The following PPP1R13B variants were observed in gnomAD, a reference collection of about 807,000 sequenced individuals.
PPP1R13B encodes apoptosis-stimulating of p53 protein 1.
PPP1R13B carries 44 observed loss-of-function variants against 119.8 expected under a neutral mutation model. That is an observed-to-expected ratio of 0.37 (90% CI 0.29 to 0.47). The LOEUF (loss-of-function observed/expected upper bound fraction) is 0.47. PPP1R13B is among the 20% of genes least tolerant of loss of function. PPP1R13B has a pLI of 0.99. For synonymous variants in PPP1R13B, 542 were observed against 561.5 expected, an observed-to-expected ratio of 0.97 and a Z score of 0.49; for missense variants, 1,227 against 1,413.5, an observed-to-expected ratio of 0.87 and a Z score of 2.12.
intron 6 of PPP1R13B, among the ~76,000 whole-genome samples, chr14:103,753,773 G>A (rs532671963): frequency 1.3e-5 from 2 of 152,026 alleles, no homozygotes; most frequent in African/African-American, 4.8e-5. Flanking sequence ...TTTGAGACAG[G>A]GTCTCATTGT....
upstream of PPP1R13B, chr14:103,848,381 C>T (rs2087124425): frequency 2.0e-6 from 2 of 985,356 alleles, no homozygotes. Context: ...GGCGCCGCCC[C>T]CTCGGGCCTG....
intron 1 of PPP1R13B, among the ~76,000 whole-genome samples, chr14:103,824,983 G>C (rs983713137): frequency 3.3e-5 from 5 of 152,094 alleles, no homozygotes; most frequent in Admixed American, 3.3e-4. Context: ...TGGCAACCCT[G>C]TGTCAAGCAC....
At chr14:103,789,234 G>C (rs184452759) in intron 2 of PPP1R13B, among the ~76,000 whole-genome samples, 4 of 151,762 alleles carry the variant, frequency 2.6e-5, no homozygotes, top group South Asian at 2.1e-4. Flanking sequence ...TTTTTTTTTG[G>C]GGGGGATGGA....
intron 7 of PPP1R13B, 31 bp from the exon 8 acceptor site, chr14:103,749,965 T>C (rs377050902): frequency 6.1e-5 from 98 of 1,597,472 alleles, no homozygotes; most frequent in African/African-American, 1.8e-4. Context: ...CCTTTATGAT[T>C]TGTGTTAATT....
intron 2 of PPP1R13B, among the ~76,000 whole-genome samples, chr14:103,796,803 A>G (rs1038455404): frequency 1.3e-5 from 2 of 152,018 alleles, no homozygotes; most frequent in Non-Finnish European, 2.9e-5. Context: ...CTAAAAATAC[A>G]AAAAATTAGC....
intron 1 of PPP1R13B, 40 bp downstream of exon 1, chr14:103,847,259 C>A: frequency 8.5e-7 from 1 of 1,179,742 alleles, no homozygotes; most frequent in Non-Finnish European, 1.1e-6. Flanking sequence ...CAGCGGCCCG[C>A]GGAGGAAGCC....
chr14:103,826,652 G>A (rs1472315807), intron 1 of PPP1R13B, among the ~76,000 whole-genome samples: 1 of 151,694 alleles, frequency 6.6e-6, no homozygotes, highest in African/African-American at 2.4e-5. Context: ...GCCATGCACA[G>A]TGGGGAAGAC....
At chr14:103,771,583 C>T (rs997351549) in intron 4 of PPP1R13B, among the ~76,000 whole-genome samples, 2 of 149,176 alleles carry the variant, frequency 1.3e-5, no homozygotes, top group Non-Finnish European at 3.0e-5. Context: ...TGGGTTCAAG[C>T]GATTCTCCTG....
At chr14:103,846,861 G>A (rs917470699) in intron 1 of PPP1R13B, 5 of 537,126 alleles carry the variant, frequency 9.3e-6, no homozygotes, top group Admixed American at 2.4e-5. Flanking sequence ...CAACCGCGAA[G>A]GCTACGGGAA....
chr14:103,752,888 T>G, intron 7 of PPP1R13B, 112 bp downstream of exon 7: 2 of 1,157,854 alleles, frequency 1.7e-6, no homozygotes, highest in Non-Finnish European at 2.4e-6. Flanking sequence ...TGCCTATTAT[T>G]AAATTAGAAT....
At chr14:103,816,335 T>C (rs1202711419) in intron 1 of PPP1R13B, among the ~76,000 whole-genome samples, 1 of 151,040 alleles carries the variant, frequency 6.6e-6, no homozygotes, top group Non-Finnish European at 1.5e-5. Context: ...TTTTTGTATT[T>C]TTAGTAGAGA....
Position 103,741,918 on chromosome 14 carries a change from T to C in PPP1R13B, c.1694A>G (p.Gln565Arg). ...TGTCTGGGGTCCTTTCCTGGGAGAC[T>C]GTGGCCTTGACCCTTTATCAGCCAG... ...PFLADKGSRPQSPRKGPQTVN... is the reference protein window; with the variant it reads ...PFLADKGSRPRSPRKGPQTVN... The change falls in exon 11 of 17, where the codon CAG (glutamine) becomes CGG (arginine). Residue 565 changes from glutamine to arginine, a missense_variant. Coordinates refer to ENST00000202556, the MANE Select transcript of PPP1R13B (RefSeq NM_015316.3). The C allele has an allele frequency of 1.2e-6, 2 of 1,614,252 alleles. No homozygotes were observed. The highest frequency in any genetic ancestry group is 1.7e-6 in the Non-Finnish European group (2 of 1,180,046).
At chr14:103,773,803 A>G (rs2085122379) in intron 4 of PPP1R13B, among the ~76,000 whole-genome samples, 1 of 151,956 alleles carries the variant, frequency 6.6e-6, no homozygotes, top group African/African-American at 2.4e-5. Flanking sequence ...ATCCCTATCT[A>G]CTCCCCAACT....
intron 9 of PPP1R13B, among the ~76,000 whole-genome samples, chr14:103,744,579 G>A (rs750283599): frequency 2.6e-5 from 4 of 152,228 alleles, no homozygotes; most frequent in East Asian, 1.9e-4. Context: ...TAAAGAGGAC[G>A]CAGCTTCCCA....
chr14:103,829,855 T>C (rs1307185443), intron 1 of PPP1R13B, among the ~76,000 whole-genome samples: 1 of 152,184 alleles, frequency 6.6e-6, no homozygotes, highest in Non-Finnish European at 1.5e-5. Flanking sequence ...CTCAGCTCAC[T>C]GCAACCTCCA....
intron 3 of PPP1R13B, among the ~76,000 whole-genome samples, chr14:103,782,823 G>A (rs2085367053): frequency 6.7e-6 from 1 of 149,786 alleles, no homozygotes; most frequent in Non-Finnish European, 1.5e-5. Flanking sequence ...TTTTTTTTGA[G>A]ATGGAGTTTC....
chr14:103,784,987 C>T, intron 2 of PPP1R13B, 73 bp from the exon 3 acceptor site: 2 of 1,391,658 alleles, frequency 1.4e-6, no homozygotes, highest in South Asian at 1.5e-5. Context: ...TTGTAAAAAA[C>T]TTAAATGAAT....
chr14:103,770,798 C>T (rs1399916723), intron 4 of PPP1R13B, among the ~76,000 whole-genome samples: 2 of 152,302 alleles, frequency 1.3e-5, no homozygotes, highest in Non-Finnish European at 2.9e-5. Context: ...AAAAGCATCA[C>T]TGAGTTGGCA....
At chr14:103,745,607 C>T (rs2084366255) in intron 9 of PPP1R13B, among the ~76,000 whole-genome samples, 1 of 152,232 alleles carries the variant, frequency 6.6e-6, no homozygotes, top group Non-Finnish European at 1.5e-5. Context: ...GTCCATCACA[C>T]AGCACCATTG....
Sources: gnomAD v4.1 joint callset for allele counts (sites outside exome capture counted in the v4.1 genomes callset) on GRCh38, gnomAD v4.1.1 for gene constraint, MANE v1.5 for transcripts, NCBI Gene and HGNC (gene_info 2026-07-23, HGNC 2026-07-21) for gene names.